The following KITLG variants were observed in gnomAD, a reference collection of about 807,000 sequenced individuals.
The protein encoded by KITLG is c-Kit ligand.
In KITLG, 13 loss-of-function variants were observed where a neutral mutation model predicts 34.1. That is an observed-to-expected ratio of 0.38 (90% confidence interval 0.25 to 0.61). The LOEUF is 0.61. KITLG is among the 20% of genes least tolerant of loss of function. The pLI is 0.60. For synonymous variants in KITLG, 110 were observed against 104.0 expected, an observed-to-expected ratio of 1.06 and a Z score of -0.35; for missense variants, 292 against 318.9, an observed-to-expected ratio of 0.92 and a Z score of 0.64.
chr12:88,570,316 T>A (rs1205269304), intron 1 of KITLG, among the ~76,000 whole-genome samples: 4 of 152,032 alleles, frequency 2.6e-5, no homozygotes, highest in African/African-American at 7.2e-5. Context: ...GCTGGGGAGA[T>A]GGGTGGGAAA....
intron 1 of KITLG, 168 bp downstream of exon 1, chr12:88,580,096 G>T: frequency 1.4e-5 from 10 of 709,252 alleles, no homozygotes; most frequent in Non-Finnish European, 2.5e-5. Flanking sequence ...CACCCGGCTC[G>T]GCTCGGGATC....
intron 2 of KITLG, among the ~76,000 whole-genome samples, chr12:88,540,851 T>A (rs745666733): frequency 3.9e-5 from 6 of 152,158 alleles, no homozygotes; most frequent in Non-Finnish European, 8.8e-5. Flanking sequence ...AATTTTCTGC[T>A]GACCACAGGA....
At chr12:88,509,929 G>C (rs1438889865) in intron 6 of KITLG, among the ~76,000 whole-genome samples, 1 of 152,042 alleles carries the variant, frequency 6.6e-6, no homozygotes, top group African/African-American at 2.4e-5. Context: ...GGGTATTTGG[G>C]GACAAAACTT....
intron 1 of KITLG, among the ~76,000 whole-genome samples, chr12:88,550,989 AAT>A (rs1420640808): frequency 1.3e-5 from 2 of 152,314 alleles, no homozygotes; most frequent in East Asian, 3.9e-4. Context: ...GTTAAATTCA[AAT>A]ATCTTACAAA....
At chr12:88,546,526 G>A (rs946901979) in intron 1 of KITLG, among the ~76,000 whole-genome samples, 42 of 151,934 alleles carry the variant, frequency 2.8e-4, no homozygotes, top group Admixed American at 2.3e-3. Context: ...CCTACACATC[G>A]GCTTGAAAAT....
rs935694631 is a variant in KITLG, at chr12:88,532,380, T to G, written c.192+61A>C. 7 of 1,191,802 alleles carry G rather than the reference T, an allele frequency of 5.9e-6. No homozygotes were observed. In the African/African-American group the frequency reaches 1.1e-4, roughly 18 times the overall value. 73.8% of individuals were successfully genotyped at this position (1,191,802 alleles called of 1,614,324 possible). On this transcript the variant is annotated intron_variant, in intron 3 of 9. Transcript: ENST00000644744. ...TAGCAGCTAGTGTACTATCTCAATA[T>G]GAATGATCCCATTTCTTCTATGAGC...
intron 1 of KITLG, among the ~76,000 whole-genome samples, chr12:88,562,505 G>A (rs1039669807): frequency 2.0e-5 from 3 of 152,212 alleles, no homozygotes; most frequent in African/African-American, 7.2e-5. Flanking sequence ...AATGGCAGGT[G>A]TGAAGAAGCC....
rs185561133 is a variant in KITLG at position 88,513,531 on chromosome 12, T to C, written c.604+2003A>G. On this transcript the variant is annotated intron_variant, in intron 6 of 9. Transcript: ENST00000644744. The stretch of plus-strand genomic sequence containing the variant: ...CCAAGTGTATGTTGTCTACTAGAGA[T>C]GTACTTTAAAAATACAGACAACAGA... 5.2e-4 allele frequency among the ~76,000 whole-genome samples: 79 copies of C among 151,814 alleles called. No homozygotes were observed. The East Asian group carries it at 0.011, about 21-fold the overall frequency.
At chr12:88,529,080 G>A (rs1409735197) in intron 3 of KITLG, among the ~76,000 whole-genome samples, 1 of 152,098 alleles carries the variant, frequency 6.6e-6, no homozygotes, top group Non-Finnish European at 1.5e-5. Context: ...ATTACACACT[G>A]TATGGTTGCA....
At chr12:88,516,274 A>C in intron 5 of KITLG, 60 bp downstream of exon 5, 2 of 1,418,636 alleles carry the variant, frequency 1.4e-6, no homozygotes, top group Non-Finnish European at 2.0e-6. Flanking sequence ...GATTCTTACT[A>C]CATAGGGAAG....
chr12:88,560,708 G>A (rs1328827044), intron 1 of KITLG, among the ~76,000 whole-genome samples: 2 of 152,160 alleles, frequency 1.3e-5, no homozygotes, highest in Admixed American at 6.5e-5. Flanking sequence ...TGTGGCTCAC[G>A]CCTGTAATCC....
intron 5 of KITLG, 85 bp downstream of exon 5, chr12:88,516,249 C>T: frequency 8.6e-7 from 1 of 1,161,094 alleles, no homozygotes; most frequent in South Asian, 1.2e-5. Flanking sequence ...CTTGCTACAG[C>T]TTAACACAGA....
At chr12:88,548,410 C>T (rs543046153) in intron 1 of KITLG, among the ~76,000 whole-genome samples, 58 of 151,562 alleles carry the variant, frequency 3.8e-4, no homozygotes, top group African/African-American at 1.4e-3. Context: ...GCCAAGATTG[C>T]GCCACTGCAC....
chr12:88,516,247 A>T, intron 5 of KITLG, 87 bp downstream of exon 5: 2 of 1,119,698 alleles, frequency 1.8e-6, no homozygotes, highest in Non-Finnish European at 2.7e-6. Flanking sequence ...ATCTTGCTAC[A>T]GCTTAACACA....
intron 3 of KITLG, among the ~76,000 whole-genome samples, chr12:88,525,255 G>A (rs79966611): frequency 0.085 from 12,856 of 152,134 alleles, 573 homozygotes; most frequent in Non-Finnish European, 0.1. Context: ...TCTTTTCATG[G>A]GGCCTGTTGC....
intron 2 of KITLG, among the ~76,000 whole-genome samples, chr12:88,538,777 A>C (rs1401507155): frequency 6.6e-6 from 1 of 152,134 alleles, no homozygotes; most frequent in Admixed American, 6.6e-5. Context: ...AAAAAAAATT[A>C]ATTGACGGAA....
rs1282807455 is a variant in KITLG, at chr12:88,580,377, T to C, written c.-99A>G. On this transcript the variant is annotated 5_prime_UTR_variant, in exon 1 of 10. Transcript: ENST00000644744. ...ATATTGCACGAACAGCGGCGGCAGA[T>C]AGTCCACGCATTGGGTAGCCCGAGC... The C allele has an allele frequency of 1.5e-5, 21 of 1,394,876 alleles. No individual in the cohort carries two copies. Among genetic ancestry groups the C allele is most frequent in the African/African-American group, 2.8e-5 (2 of 70,194 alleles). The allele number at this position is 1,394,876 out of a possible 1,614,324, so 86.4% of individuals were successfully genotyped here.
At chr12:88,576,768 G>A (rs1002286287) in intron 1 of KITLG, among the ~76,000 whole-genome samples, 9 of 151,966 alleles carry the variant, frequency 5.9e-5, no homozygotes, top group African/African-American at 1.5e-4. Flanking sequence ...GATATAAAGC[G>A]AAGGCCACAT....
intron 1 of KITLG, among the ~76,000 whole-genome samples, chr12:88,560,967 C>CAAAAAAAAAAAA (rs34851499): frequency 1.4e-4 from 8 of 58,094 alleles, no homozygotes; most frequent in Admixed American, 5.3e-4. Flanking sequence ...GACTCTGTCT[C>CAAAAAAAAAAAA]AAAAAAAAAA....
Sources: allele counts gnomAD v4.1 joint callset (sites outside exome capture counted in the v4.1 genomes callset), GRCh38; gene constraint gnomAD v4.1.1; transcripts MANE v1.5; gene names NCBI Gene and HGNC (gene_info 2026-07-23, HGNC 2026-07-21).